Variants in RORA observed in about 807,000 individuals in gnomAD.
RORA encodes nuclear receptor ROR-alpha.
Under a neutral mutation model 69.5 loss-of-function variants are expected in RORA, and 7 were observed. The ratio of observed to expected loss-of-function variants is 0.10; its 90% CI spans 0.06 to 0.19. RORA has a LOEUF of 0.19. RORA is among the 10% of genes least tolerant of loss of function. The pLI is 1.00. For missense variants in RORA, 457 were observed against 663.0 expected, an observed-to-expected ratio of 0.69 and a Z score of 3.41; for synonymous variants, 261 against 240.8, an observed-to-expected ratio of 1.08 and a Z score of -0.78.
chr15:60,598,631 T>G (rs1217628786), intron 2 of RORA: 1 of 152,272 alleles, frequency 6.6e-6, no homozygotes, highest in Non-Finnish European at 1.5e-5. Flanking sequence ...GTTAATTGAT[T>G]GCCTATTTTA....
chr15:60,887,295 C>A (rs1237407627), intron 1 of RORA, among the ~76,000 whole-genome samples: 1 of 152,116 alleles, frequency 6.6e-6, no homozygotes. Flanking sequence ...GTTATTTGGC[C>A]AGTTGTGAAG....
chr15:60,947,605 T>A (rs1029813848), intron 1 of RORA, among the ~76,000 whole-genome samples: 1 of 150,702 alleles, frequency 6.6e-6, no homozygotes, highest in Non-Finnish European at 1.5e-5. Flanking sequence ...TTTGTTCACT[T>A]GTTTATCTGC....
At chr15:60,744,304 T>C (rs569059057) in intron 1 of RORA, among the ~76,000 whole-genome samples, 4 of 152,348 alleles carry the variant, frequency 2.6e-5, no homozygotes, top group African/African-American at 7.2e-5. Flanking sequence ...GGAATGACAC[T>C]GTGCTGACAC....
chr15:60,725,420 T>TTTTTTAA (rs2071344392), intron 1 of RORA, among the ~76,000 whole-genome samples: 1 of 152,182 alleles, frequency 6.6e-6, no homozygotes, highest in Non-Finnish European at 1.5e-5. Context: ...ATGGAAAAAT[T>TTTTTTAA]TTTTTAATTT....
intron 1 of RORA, among the ~76,000 whole-genome samples, chr15:61,101,519 C>A (rs960812551): frequency 1.3e-5 from 2 of 152,044 alleles, no homozygotes; most frequent in Non-Finnish European, 2.9e-5. Flanking sequence ...AATTCAGCAG[C>A]AGGAAGGGTA....
chr15:60,678,865 A>C (rs2070595513), intron 1 of RORA, among the ~76,000 whole-genome samples, 179 bp from the exon 2 acceptor site: 1 of 152,188 alleles, frequency 6.6e-6, no homozygotes, highest in Non-Finnish European at 1.5e-5. Context: ...TGCAACCGTG[A>C]CTGATGAGGC....
chr15:61,227,505 T>C (rs2080158147), intron 1 of RORA, among the ~76,000 whole-genome samples: 1 of 151,770 alleles, frequency 6.6e-6, no homozygotes, highest in Admixed American at 6.6e-5. Flanking sequence ...TTCGCGTGTG[T>C]CATCCTGATG....
chr15:60,608,701 T>G (rs1041698635), intron 2 of RORA, among the ~76,000 whole-genome samples: 4 of 152,270 alleles, frequency 2.6e-5, no homozygotes, highest in Non-Finnish European at 5.9e-5. Flanking sequence ...GAAGATTTTT[T>G]GTCACCACTT....
chr15:61,083,670 G>C (rs1192243611), intron 1 of RORA, among the ~76,000 whole-genome samples: 3 of 151,830 alleles, frequency 2.0e-5, no homozygotes, highest in African/African-American at 7.3e-5. Flanking sequence ...ATTAGGAAAG[G>C]GAAAAAAAAG....
At chr15:61,047,964 A>T (rs1317336444) in intron 1 of RORA, among the ~76,000 whole-genome samples, 1 of 152,210 alleles carries the variant, frequency 6.6e-6, no homozygotes, top group African/African-American at 2.4e-5. Context: ...AGCAACGTTA[A>T]AACTCCCCAG....
At chr15:60,859,812 G>C (rs184450932) in intron 1 of RORA, among the ~76,000 whole-genome samples, 2 of 152,070 alleles carry the variant, frequency 1.3e-5, no homozygotes, top group South Asian at 4.2e-4. Flanking sequence ...GAATTTACCC[G>C]ATGAAATCCA....
intron 1 of RORA, among the ~76,000 whole-genome samples, chr15:60,980,573 T>A (rs1894016175): frequency 6.6e-6 from 1 of 152,152 alleles, no homozygotes; most frequent in African/African-American, 2.4e-5. Flanking sequence ...AGTCTATTCA[T>A]GTATTCTATT....
chr15:60,688,015 G>T (rs1324020643), intron 1 of RORA, among the ~76,000 whole-genome samples: 2 of 152,010 alleles, frequency 1.3e-5, no homozygotes, highest in East Asian at 3.9e-4. Context: ...AGAAATTTTA[G>T]GAATTAATCA....
At chr15:60,583,197 C>G (rs902816223) in intron 2 of RORA, among the ~76,000 whole-genome samples, 1 of 152,210 alleles carries the variant, frequency 6.6e-6, no homozygotes, top group African/African-American at 2.4e-5. Context: ...TCCCACCAGA[C>G]TAGAATCTAA....
intron 1 of RORA, among the ~76,000 whole-genome samples, chr15:61,012,426 G>A (rs924112170): frequency 6.6e-6 from 1 of 152,090 alleles, no homozygotes; most frequent in Non-Finnish European, 1.5e-5. Flanking sequence ...CCCTTTGCTA[G>A]TCAAAATTAA....
At chr15:60,564,507 T>C (rs1027600124) in intron 2 of RORA, among the ~76,000 whole-genome samples, 3 of 152,174 alleles carry the variant, frequency 2.0e-5, no homozygotes, top group South Asian at 2.1e-4. Context: ...ACTTCACTTA[T>C]GAGAGAGCTG....
intron 1 of RORA, among the ~76,000 whole-genome samples, chr15:60,924,432 C>T (rs915548120): frequency 6.7e-6 from 1 of 150,072 alleles, no homozygotes; most frequent in African/African-American, 2.4e-5. Context: ...GTTACACATA[C>T]TATAGTCCTT....
intron 1 of RORA, among the ~76,000 whole-genome samples, chr15:60,812,321 T>C (rs1308630071): frequency 2.0e-5 from 3 of 152,074 alleles, no homozygotes; most frequent in Admixed American, 6.6e-5. Flanking sequence ...CTGAGCAACA[T>C]ACTGAGACCC....
intron 2 of RORA, among the ~76,000 whole-genome samples, chr15:60,641,778 G>A (rs912584977): frequency 6.6e-6 from 1 of 152,002 alleles, no homozygotes; most frequent in African/African-American, 2.4e-5. Flanking sequence ...TAATTTTAAA[G>A]AAACACAATT....
Sources: gnomAD v4.1 joint callset for allele counts (sites outside exome capture counted in the v4.1 genomes callset) on GRCh38, gnomAD v4.1.1 for gene constraint, MANE v1.5 for transcripts, NCBI Gene and HGNC (gene_info 2026-07-23, HGNC 2026-07-21) for gene names.